ATP8A2: variants seen among roughly 807,000 people sequenced by gnomAD.
The protein encoded by ATP8A2 is ATPase phospholipid transporting 8A2, also known as phospholipid-transporting ATPase IB.
A neutral mutation model predicts 165.6 loss-of-function variants in ATP8A2; 100 were observed. The ratio of observed to expected loss-of-function variants is 0.60; its 90% CI spans 0.51 to 0.71. The LOEUF (loss-of-function observed/expected upper bound fraction) is 0.71. Among genes scored for constraint, ATP8A2 ranks in the 30% least tolerant of loss-of-function variants. The probability of loss-of-function intolerance (pLI) is 0.00; values close to 1 mark genes in which losing one functional copy is unlikely to be tolerated. For synonymous variants in ATP8A2, 543 were observed against 548.8 expected (o/e 0.99, Z 0.15); for missense variants, 1,227 against 1,479.5 (o/e 0.83, Z 2.80).
intron 27 of ATP8A2, among the ~76,000 whole-genome samples, chr13:25,818,705 T>C (rs953262437): frequency 6.6e-6 from 1 of 152,232 alleles, no homozygotes; most frequent in Non-Finnish European, 1.5e-5. Context: ...GGTTTTCTTA[T>C]TTAACATGCT....
chr13:25,495,214 G>A (rs1468006257), intron 2 of ATP8A2, among the ~76,000 whole-genome samples: 1 of 152,138 alleles, frequency 6.6e-6, no homozygotes, highest in Admixed American at 6.5e-5. Context: ...TTTACCACCT[G>A]TCTTTGTTCA....
At chr13:25,577,450 T>G (rs1239547516) in intron 20 of ATP8A2, among the ~76,000 whole-genome samples, 2 of 152,228 alleles carry the variant, frequency 1.3e-5, no homozygotes, top group Admixed American at 6.5e-5. Context: ...GTTTTGACTT[T>G]GGGAAGACAA....
At chr13:25,450,572 C>T (rs1323301073) in intron 1 of ATP8A2, among the ~76,000 whole-genome samples, 1 of 152,178 alleles carries the variant, frequency 6.6e-6, no homozygotes, top group Non-Finnish European at 1.5e-5. Flanking sequence ...CGCTCTGTCG[C>T]CCAGGCTGGA....
At chr13:25,448,250 A>G (rs964827435) in intron 1 of ATP8A2, among the ~76,000 whole-genome samples, 1 of 152,198 alleles carries the variant, frequency 6.6e-6, no homozygotes, top group Non-Finnish European at 1.5e-5. Context: ...ATTATTGTTA[A>G]CTATAGTCAC....
chr13:25,808,295 A>C (rs1003138804), intron 27 of ATP8A2, among the ~76,000 whole-genome samples: 1 of 152,004 alleles, frequency 6.6e-6, no homozygotes, highest in Non-Finnish European at 1.5e-5. Context: ...ATGTCCAGCT[A>C]AATGTTTAAA....
intron 25 of ATP8A2, among the ~76,000 whole-genome samples, chr13:25,735,259 A>C (rs2043742408): frequency 6.6e-6 from 1 of 151,924 alleles, no homozygotes; most frequent in Non-Finnish European, 1.5e-5. Context: ...AAGGGTTGGA[A>C]GTTTTTTGTT....
At chr13:25,544,893 G>A (rs907890282) in intron 10 of ATP8A2, among the ~76,000 whole-genome samples, 3 of 149,276 alleles carry the variant, frequency 2.0e-5, no homozygotes, top group African/African-American at 2.5e-5. Flanking sequence ...GCCAAATGGC[G>A]TGAATTTTAT....
At chr13:26,007,633 T>C (rs1429500117) in intron 35 of ATP8A2, among the ~76,000 whole-genome samples, 2 of 152,028 alleles carry the variant, frequency 1.3e-5, no homozygotes, top group African/African-American at 4.8e-5. Context: ...CACATACATG[T>C]TAGGTGAAAT....
chr13:25,711,861 C>T (rs2043166031), intron 25 of ATP8A2, among the ~76,000 whole-genome samples: 2 of 152,120 alleles, frequency 1.3e-5, no homozygotes, highest in South Asian at 4.2e-4. Flanking sequence ...TGAAGCACTG[C>T]TGTAAGAGAG....
chr13:25,408,420 A>G (rs959317622), intron 1 of ATP8A2, among the ~76,000 whole-genome samples: 1 of 150,766 alleles, frequency 6.6e-6, no homozygotes, highest in Non-Finnish European at 1.5e-5. Context: ...GCAGGATCCC[A>G]GGTGAGTTAG....
chr13:25,921,567 G>A (rs1482552337), intron 33 of ATP8A2, among the ~76,000 whole-genome samples: 1 of 148,604 alleles, frequency 6.7e-6, no homozygotes, highest in Non-Finnish European at 1.5e-5. Flanking sequence ...AGGTTGCAGT[G>A]AGCCAAGATT....
intron 36 of ATP8A2, among the ~76,000 whole-genome samples, chr13:26,016,504 T>A (rs1956978283): frequency 6.6e-6 from 1 of 152,154 alleles, no homozygotes; most frequent in African/African-American, 2.4e-5. Flanking sequence ...GGGTTTCCAG[T>A]AGACACAGGC....
At chr13:25,494,178 A>G (rs1352443227) in intron 2 of ATP8A2, among the ~76,000 whole-genome samples, 1 of 152,118 alleles carries the variant, frequency 6.6e-6, no homozygotes, top group African/African-American at 2.4e-5. Flanking sequence ...TGACATCAGA[A>G]AACACATGTG....
At chr13:25,909,580 T>C (rs909143815) in intron 33 of ATP8A2, among the ~76,000 whole-genome samples, 1 of 152,242 alleles carries the variant, frequency 6.6e-6, no homozygotes, top group African/African-American at 2.4e-5. Flanking sequence ...ATACAATATT[T>C]ACTTCCTTGA....
chr13:25,853,983 C>T (rs1411893687), intron 30 of ATP8A2, among the ~76,000 whole-genome samples: 1 of 152,136 alleles, frequency 6.6e-6, no homozygotes, highest in African/African-American at 2.4e-5. Flanking sequence ...AAAACCTAAA[C>T]TTTTAAAAAA....
chr13:25,496,283 G>A (rs980272054), intron 2 of ATP8A2, among the ~76,000 whole-genome samples: 3 of 152,082 alleles, frequency 2.0e-5, no homozygotes, highest in African/African-American at 7.2e-5. Flanking sequence ...GCAGCTCTGG[G>A]GAAACTGAGA....
intron 1 of ATP8A2, among the ~76,000 whole-genome samples, chr13:25,434,884 A>G (rs993738203): frequency 1.2e-4 from 18 of 152,174 alleles, no homozygotes; most frequent in African/African-American, 4.3e-4. Flanking sequence ...ATATCACTGC[A>G]TTACTGACAC....
intron 33 of ATP8A2, among the ~76,000 whole-genome samples, chr13:25,961,075 C>T (rs930554702): frequency 3.8e-4 from 58 of 152,226 alleles, no homozygotes; most frequent in African/African-American, 1.4e-3. Flanking sequence ...ATTTAATCTC[C>T]TGAAGGCAAG....
Position 25,732,624 on chromosome 13 carries a change from C to A in ATP8A2, c.2384+33279C>A, listed in dbSNP as rs79396154. 4.0e-3 allele frequency among the ~76,000 whole-genome samples: 609 copies of A among 152,228 alleles called. 15 individuals carry two copies. In the East Asian group the frequency reaches 0.09, roughly 23 times the overall value. ...TATTTCACCAGAAGTGCTTCAGTTCCGTTGAGTCCTGTGTGATGTACTTCA... is the reference window on the plus strand; with the variant it reads ...TATTTCACCAGAAGTGCTTCAGTTCAGTTGAGTCCTGTGTGATGTACTTCA... On this transcript the variant is annotated intron_variant, in intron 25 of 36. Transcript: ENST00000381655.
Sources: gnomAD v4.1 joint callset for allele counts (sites outside exome capture counted in the v4.1 genomes callset) on GRCh38, gnomAD v4.1.1 for gene constraint, MANE v1.5 for transcripts, NCBI Gene and HGNC (gene_info 2026-07-23, HGNC 2026-07-21) for gene names.